Variants in EYS observed in about 807,000 individuals in gnomAD.
EYS encodes the protein protein eyes shut homolog.
EYS carries 250 observed loss-of-function variants against 282.1 expected under a neutral mutation model. That is an observed-to-expected ratio of 0.89 (90% CI 0.80 to 0.98). The LOEUF (loss-of-function observed/expected upper bound fraction) is 0.98, where lower values mean the gene tolerates loss of function less well. Among genes scored for constraint, EYS ranks in the 50% least tolerant of loss-of-function variants. The pLI is 0.00. For missense variants in EYS, 4,016 were observed against 3,709.0 expected, an observed-to-expected ratio of 1.08 and a Z score of -2.15; for synonymous variants, 1,355 against 1,282.9, an observed-to-expected ratio of 1.06 and a Z score of -1.20.
chr6:65,240,841 T>C (rs1481030812), intron 12 of EYS, among the ~76,000 whole-genome samples: 3 of 152,182 alleles, frequency 2.0e-5, no homozygotes, highest in Non-Finnish European at 2.9e-5. Flanking sequence ...CTGTTCGAAG[T>C]TCTTTGAGAA....
chr6:63,768,680 G>T (rs938220281), intron 40 of EYS, among the ~76,000 whole-genome samples: 1 of 151,882 alleles, frequency 6.6e-6, no homozygotes, highest in Admixed American at 6.6e-5. Flanking sequence ...ATTTCTTAAA[G>T]AACTTAGAAC....
chr6:64,090,081 C>T (rs1772301348), intron 31 of EYS, among the ~76,000 whole-genome samples: 1 of 152,074 alleles, frequency 6.6e-6, no homozygotes. Context: ...AATAAAACAT[C>T]GTTTAGCACA....
Position 64,979,358 on chromosome 6 carries a change from T to G in EYS, c.2259+18224A>C, listed in dbSNP as rs554057951. On this transcript the variant is annotated intron_variant, in intron 14 of 42. Coordinates refer to ENST00000503581, the MANE Select transcript of EYS (RefSeq NM_001142800.2). ...TTAGTGTACTAGCTAATTAATTATA[T>G]TATTAGTTAGTGGCATAAATCTCAA... Among the ~76,000 whole-genome samples the G allele has an allele frequency of 1.1e-4, 16 of 151,906 alleles. No homozygotes were observed. In the South Asian group the frequency reaches 3.1e-3, roughly 29 times the overall value.
chr6:65,420,771 T>A (rs902588953), intron 5 of EYS, among the ~76,000 whole-genome samples: 2 of 151,914 alleles, frequency 1.3e-5, no homozygotes, highest in Non-Finnish European at 2.9e-5. Context: ...AGGGATGCCA[T>A]GTTAGCAGTT....
chr6:64,331,597 CCCCG>C (rs899191059), intron 29 of EYS, among the ~76,000 whole-genome samples: 14 of 139,466 alleles, frequency 1.0e-4, no homozygotes, highest in Non-Finnish European at 1.8e-4. Context: ...CCAATAGCCC[CCCCG>C]CCCGCCCAGT....
intron 12 of EYS, among the ~76,000 whole-genome samples, chr6:65,181,978 T>G (rs1765397818): frequency 6.6e-6 from 1 of 151,826 alleles, no homozygotes; most frequent in Non-Finnish European, 1.5e-5. Context: ...AAACACCACA[T>G]GTTCTCACTC....
chr6:64,326,004 C>G (rs1352053703), intron 29 of EYS, among the ~76,000 whole-genome samples: 10 of 152,116 alleles, frequency 6.6e-5, no homozygotes, highest in Admixed American at 6.6e-4. Context: ...TTAAGGAAAA[C>G]TTCCCTGGCC....
chr6:65,552,535 A>G (rs1768632362), intron 2 of EYS, among the ~76,000 whole-genome samples: 1 of 152,164 alleles, frequency 6.6e-6, no homozygotes, highest in African/African-American at 2.4e-5. Flanking sequence ...CCAATTCAGT[A>G]GGTACCATTT....
chr6:65,230,752 T>A (rs1337070988), intron 12 of EYS, among the ~76,000 whole-genome samples: 2 of 151,646 alleles, frequency 1.3e-5, no homozygotes, highest in African/African-American at 4.8e-5. Context: ...AGGCCTGAAA[T>A]TTGTCTGGAA....
chr6:63,925,457 T>C (rs80073622), intron 35 of EYS, among the ~76,000 whole-genome samples: 8,860 of 152,338 alleles, frequency 0.058, 312 homozygotes, highest in South Asian at 0.14. Flanking sequence ...AAATAGAAGT[T>C]GTGGAACATT....
chr6:63,808,984 A>G (rs1770972862), intron 36 of EYS, among the ~76,000 whole-genome samples: 1 of 152,178 alleles, frequency 6.6e-6, no homozygotes, highest in Admixed American at 6.5e-5. Flanking sequence ...CTCACATTCT[A>G]TTTCTATTGA....
intron 30 of EYS, among the ~76,000 whole-genome samples, chr6:64,249,300 G>T (rs996629529): frequency 7.2e-5 from 11 of 152,066 alleles, no homozygotes; most frequent in Non-Finnish European, 1.0e-4. Flanking sequence ...AATAGAACTT[G>T]CTCTGACTCA....
In EYS at chr6:64,017,285, G is replaced by GCT. The variant is rs369445836; in HGVS notation, c.6726-18104_6726-18103dup. Among the ~76,000 whole-genome samples the GCT allele has an allele frequency of 1.7e-3, 263 of 152,182 alleles. 1 individual carries two copies. Among genetic ancestry groups the GCT allele is most frequent in the Non-Finnish European group, 3.0e-3 (205 of 68,010 alleles). On this transcript the variant is annotated intron_variant, in intron 33 of 42. Transcript: ENST00000503581. The stretch of plus-strand genomic sequence containing the variant: ...GAAGAGAATTACAGTGCCTGACAGG[G>GCT]CTGTGAGAGTGGATTTATTTGGGAA...
intron 26 of EYS, among the ~76,000 whole-genome samples, chr6:64,566,204 C>T (rs1288543609): frequency 6.6e-6 from 1 of 152,108 alleles, no homozygotes; most frequent in Non-Finnish European, 1.5e-5. Context: ...TTTACCTTAT[C>T]TCACTAATAA....
At chr6:65,047,810 T>A (rs149526267) in intron 13 of EYS, among the ~76,000 whole-genome samples, 287 of 151,956 alleles carry the variant, frequency 1.9e-3, no homozygotes, top group African/African-American at 6.0e-3. Context: ...AATGAGGTCT[T>A]TTCTGCCACC....
At chr6:64,759,633 CATAGAT>C (rs1773093792) in intron 22 of EYS, among the ~76,000 whole-genome samples, 1 of 151,886 alleles carries the variant, frequency 6.6e-6, no homozygotes, top group Non-Finnish European at 1.5e-5. Context: ...ACATATATTT[CATAGAT>C]ATAGATAAAA....
chr6:64,490,732 A>T (rs1410438195), intron 26 of EYS, among the ~76,000 whole-genome samples: 2 of 150,884 alleles, frequency 1.3e-5, no homozygotes, highest in Non-Finnish European at 3.0e-5. Flanking sequence ...GAACTTTTTA[A>T]ATTTTTTTCA....
intron 29 of EYS, among the ~76,000 whole-genome samples, chr6:64,338,108 T>C (rs531863800): frequency 7.2e-5 from 11 of 151,904 alleles, no homozygotes; most frequent in African/African-American, 2.2e-4. Context: ...CTCTTCAACA[T>C]AGTACTGAAA....
chr6:65,106,089 TA>T (rs1189292357), intron 12 of EYS, among the ~76,000 whole-genome samples: 8 of 152,074 alleles, frequency 5.3e-5, no homozygotes, highest in Admixed American at 3.3e-4. Flanking sequence ...ACTTACTCAG[TA>T]AATTCTGGAA....
Sources: gnomAD v4.1 joint callset for allele counts (sites outside exome capture counted in the v4.1 genomes callset) on GRCh38, gnomAD v4.1.1 for gene constraint, MANE v1.5 for transcripts, NCBI Gene and HGNC (gene_info 2026-07-23, HGNC 2026-07-21) for gene names.